TMEM14C: variants seen among roughly 807,000 people sequenced by gnomAD.
TMEM14C encodes chromosome 6 open reading frame 53.
Under a neutral mutation model 14.8 loss-of-function variants are expected in TMEM14C, and 13 were observed. The observed-to-expected ratio is 0.88, with a 90% confidence interval of 0.57 to 1.40. The LOEUF (loss-of-function observed/expected upper bound fraction) is 1.40. Among genes scored for constraint, TMEM14C ranks in the 40% most tolerant of loss-of-function variants. The probability of loss-of-function intolerance (pLI) is 0.00; values close to 1 mark genes in which losing one functional copy is unlikely to be tolerated. For missense variants in TMEM14C, 142 were observed against 138.8 expected, an observed-to-expected ratio of 1.02 and a Z score of -0.12; for synonymous variants, 57 against 51.3, an observed-to-expected ratio of 1.11 and a Z score of -0.48.
At chr6:10,723,457 A>G (rs1251948721) in intron 1 of TMEM14C, among the ~76,000 whole-genome samples, 1 of 152,042 alleles carries the variant, frequency 6.6e-6, no homozygotes. Context: ...CCCATGTAGC[A>G]TAGTGTTGCC....
intron 4 of TMEM14C, 55 bp from the exon 5 acceptor site, chr6:10,728,585 C>G (rs1269429204): frequency 1.0e-5 from 16 of 1,580,556 alleles, no homozygotes; most frequent in Non-Finnish European, 6.9e-6. Flanking sequence ...ACTTCTGATT[C>G]CCCTGCGTAG....
At chr6:10,724,038 T>G (rs1176092735) in intron 1 of TMEM14C, among the ~76,000 whole-genome samples, 1 of 152,194 alleles carries the variant, frequency 6.6e-6, no homozygotes, top group Non-Finnish European at 1.5e-5. Context: ...GACCACTGTT[T>G]CCGTATATTT....
chr6:10,723,414 G>T (rs879348987), intron 1 of TMEM14C, among the ~76,000 whole-genome samples, 173 bp downstream of exon 1: 15 of 152,202 alleles, frequency 9.9e-5, no homozygotes, highest in Admixed American at 2.0e-4. Context: ...TTGTGGATGC[G>T]CGGAGCCCCT....
At chr6:10,725,362 A>C (rs1770826803) in intron 3 of TMEM14C, among the ~76,000 whole-genome samples, 1 of 152,140 alleles carries the variant, frequency 6.6e-6, no homozygotes. Flanking sequence ...AGTAGGAGGA[A>C]ACCTCTGGCC....
Position 10,723,118 on chromosome 6 carries a change from C to G in TMEM14C, c.-168C>G, listed in dbSNP as rs369466748. ...GTACACTGCGCAGGCACAACAGAGC[C>G]GCTCCCCTCTCCTCGCCCCGCCACC... is the stretch of plus-strand genomic sequence containing the variant. On this transcript the variant is annotated 5_prime_UTR_variant, in exon 1 of 6. Coordinates refer to ENST00000229563, the MANE Select transcript of TMEM14C (RefSeq NM_016462.4). The G allele has an allele frequency of 2.0e-5, 3 of 152,342 alleles. No homozygotes were observed. The highest frequency in any genetic ancestry group is 4.8e-5 in the African/African-American group (2 of 41,468). 9.4% of individuals were successfully genotyped at this position (152,342 alleles called of 1,614,324 possible).
chr6:10,727,315 C>G (rs1317915110), intron 4 of TMEM14C, among the ~76,000 whole-genome samples: 1 of 152,038 alleles, frequency 6.6e-6, no homozygotes, highest in Non-Finnish European at 1.5e-5. Flanking sequence ...CATTGATATT[C>G]AGATGTGCTT....
chr6:10,723,419 GC>G (rs1336540897), intron 1 of TMEM14C, among the ~76,000 whole-genome samples, 178 bp downstream of exon 1: 2 of 152,118 alleles, frequency 1.3e-5, no homozygotes, highest in Non-Finnish European at 2.9e-5. Context: ...GATGCGCGGA[GC>G]CCCTGGGCTC....
chr6:10,723,594 CTT>C (rs34904534), intron 1 of TMEM14C, among the ~76,000 whole-genome samples: 6 of 118,682 alleles, frequency 5.1e-5, no homozygotes, highest in African/African-American at 3.4e-5. Context: ...AAACTTAATT[CTT>C]TTTTTTTTTT....
At chr6:10,725,351 A>C (rs1408102399) in intron 3 of TMEM14C, among the ~76,000 whole-genome samples, 1 of 152,184 alleles carries the variant, frequency 6.6e-6, no homozygotes, top group Non-Finnish European at 1.5e-5. Flanking sequence ...CTCTGGGCTC[A>C]AGTAGGAGGA....
At chr6:10,724,815 ACT>A in intron 2 of TMEM14C, 144 bp from the exon 3 acceptor site, 2 of 1,307,762 alleles carry the variant, frequency 1.5e-6, no homozygotes, top group Middle Eastern at 1.9e-4. Flanking sequence ...GAGTTGTGTG[ACT>A]CTCAGAAAGT....
chr6:10,731,014 A>T lies in TMEM14C; in HGVS notation c.*348A>T. 1 of 1,001,238 alleles carries T rather than the reference A, an allele frequency of 1.0e-6. No homozygotes were observed. Among genetic ancestry groups the T allele is most frequent in the Non-Finnish European group, 1.2e-6 (1 of 840,510 alleles). The allele number at this position is 1,001,238 out of a possible 1,614,324, so 62.0% of individuals were successfully genotyped here. A position where few individuals can be genotyped will look rare whatever the true frequency, so the allele number is the denominator to read the frequency against. On this transcript the variant is annotated 3_prime_UTR_variant, in exon 6 of 6. Coordinates refer to ENST00000229563, the MANE Select transcript of TMEM14C (RefSeq NM_016462.4). The stretch of plus-strand genomic sequence containing the variant: ...CCCTGCTCTGAGGAACAGTGTGAAA[A>T]AAAGTCTTTTAGGAGATTTACAATA...
At chr6:10,723,263 T>G (rs1770739426) in intron 1 of TMEM14C, 22 bp downstream of exon 1, 1 of 152,282 alleles carries the variant, frequency 6.6e-6, no homozygotes, top group Non-Finnish European at 1.5e-5. Context: ...TGGGGATTAT[T>G]CTTATTTTCT....
chr6:10,724,896 C>T (rs1230858784), intron 2 of TMEM14C, 65 bp from the exon 3 acceptor site: 1 of 1,568,324 alleles, frequency 6.4e-7, no homozygotes, highest in East Asian at 2.2e-5. Context: ...TTAGTCCCAT[C>T]CTATGACAGT....
chr6:10,724,530 T>C, intron 1 of TMEM14C, 40 bp from the exon 2 acceptor site: 1 of 1,411,510 alleles, frequency 7.1e-7, no homozygotes, highest in Non-Finnish European at 1.0e-6. Context: ...GCTGGAGAGC[T>C]GTGCTTTTAA....
At chr6:10,723,471 T>C (rs1180522688) in intron 1 of TMEM14C, among the ~76,000 whole-genome samples, 1 of 152,182 alleles carries the variant, frequency 6.6e-6, no homozygotes, top group African/African-American at 2.4e-5. Flanking sequence ...TGTTGCCTCG[T>C]TTCTTGGTGA....
chr6:10,728,621 T>C lies in TMEM14C; in HGVS notation c.200-19T>C, dbSNP rs1390887907. 2.5e-6 allele frequency: 4 copies of C among 1,612,898 alleles called. No individual in the cohort carries two copies. The Admixed American group carries it at 6.7e-5, about 27-fold the overall frequency. ...AAGATGTAATGAGTTTTAACACTTC[T>C]TTATATGTTTTTCATCAGCTACATC... On this transcript the variant is annotated intron_variant, in intron 4 of 5. Coordinates refer to ENST00000229563, the MANE Select transcript of TMEM14C (RefSeq NM_016462.4).
chr6:10,728,273 G>A (rs1356290961), intron 4 of TMEM14C, among the ~76,000 whole-genome samples: 2 of 152,318 alleles, frequency 1.3e-5, no homozygotes, highest in Admixed American at 6.5e-5. Context: ...TAGGTGCTTC[G>A]ACAGATACCC....
chr6:10,724,336 T>G, intron 1 of TMEM14C: 1 of 426,438 alleles, frequency 2.3e-6, no homozygotes, highest in East Asian at 3.8e-5. Flanking sequence ...AAAACTGAGG[T>G]TTTCATGACA....
chr6:10,725,871 G>C, intron 3 of TMEM14C, 36 bp from the exon 4 acceptor site: 1 of 1,611,816 alleles, frequency 6.2e-7, no homozygotes. Flanking sequence ...ATAAGTGCCT[G>C]ACATTACAAT....
Sources: gnomAD v4.1 joint callset for allele counts (sites outside exome capture counted in the v4.1 genomes callset) on GRCh38, gnomAD v4.1.1 for gene constraint, MANE v1.5 for transcripts, NCBI Gene and HGNC (gene_info 2026-07-23, HGNC 2026-07-21) for gene names.